The following RSRC1 variants were observed in gnomAD, a reference collection of about 807,000 sequenced individuals.
The protein encoded by RSRC1 is arginine and serine rich coiled-coil 1, also known as serine/Arginine-related protein 53.
Under a neutral mutation model 49.1 loss-of-function variants are expected in RSRC1, and 39 were observed. That is an observed-to-expected ratio of 0.79 (90% confidence interval 0.61 to 1.04). RSRC1 has a LOEUF of 1.04. Ranked by LOEUF, RSRC1 falls within the 50% of genes least tolerant of loss-of-function variation. The pLI, the probability that RSRC1 is intolerant of heterozygous loss-of-function variation, is 0.00. For missense variants in RSRC1, 388 were observed against 402.4 expected (o/e 0.96, Z 0.31); for synonymous variants, 143 against 130.8 (o/e 1.09, Z -0.63).
chr3:158,498,710 A>G (rs893614446), intron 7 of RSRC1, among the ~76,000 whole-genome samples: 1 of 152,154 alleles, frequency 6.6e-6, no homozygotes, highest in African/African-American at 2.4e-5. Flanking sequence ...CAGGTCTTAG[A>G]TTTAAGACCT....
intron 6 of RSRC1, among the ~76,000 whole-genome samples, chr3:158,387,844 GTC>G (rs991988868): frequency 1.3e-5 from 2 of 152,112 alleles, no homozygotes; most frequent in Admixed American, 1.3e-4. Flanking sequence ...TGTGAAATGA[GTC>G]TTCTCAATAT....
chr3:158,221,304 C>T (rs1291534194), intron 4 of RSRC1, among the ~76,000 whole-genome samples: 1 of 151,302 alleles, frequency 6.6e-6, no homozygotes, highest in Non-Finnish European at 1.5e-5. Flanking sequence ...AAAATATTCC[C>T]TAATAACTTT....
intron 6 of RSRC1, among the ~76,000 whole-genome samples, chr3:158,398,276 C>T (rs1031487208): frequency 6.6e-6 from 1 of 152,058 alleles, no homozygotes; most frequent in African/African-American, 2.4e-5. Context: ...TTATTTCTCA[C>T]AGTTCCTGGA....
At chr3:158,334,087 G>A (rs1326204044) in intron 5 of RSRC1, among the ~76,000 whole-genome samples, 2 of 152,088 alleles carry the variant, frequency 1.3e-5, no homozygotes, top group East Asian at 3.9e-4. Flanking sequence ...ACTAAAAAAT[G>A]TGCTGATACT....
chr3:158,177,087 A>G (rs1375798329), intron 3 of RSRC1, among the ~76,000 whole-genome samples: 1 of 152,220 alleles, frequency 6.6e-6, no homozygotes, highest in Non-Finnish European at 1.5e-5. Context: ...CAAAACCACA[A>G]TGAGATGCCA....
At chr3:158,225,082 G>A (rs768559691) in intron 4 of RSRC1, among the ~76,000 whole-genome samples, 5 of 151,728 alleles carry the variant, frequency 3.3e-5, no homozygotes, top group Non-Finnish European at 5.9e-5. Context: ...TCTTGACAAT[G>A]ATACTGAGTT....
intron 1 of RSRC1, among the ~76,000 whole-genome samples, chr3:158,121,764 T>C (rs2108163901): frequency 6.6e-6 from 1 of 152,288 alleles, no homozygotes; most frequent in Non-Finnish European, 1.5e-5. Flanking sequence ...AAAGAACTGC[T>C]CTCAGTCTTG....
At chr3:158,423,848 G>C (rs1224726927) in intron 6 of RSRC1, among the ~76,000 whole-genome samples, 1 of 151,466 alleles carries the variant, frequency 6.6e-6, no homozygotes, top group African/African-American at 2.4e-5. Flanking sequence ...ATTGTGAATG[G>C]GAGTTCACTC....
chr3:158,381,427 C>A (rs1238222939), intron 6 of RSRC1, among the ~76,000 whole-genome samples: 1 of 152,176 alleles, frequency 6.6e-6, no homozygotes, highest in Non-Finnish European at 1.5e-5. Flanking sequence ...AGTGATCTCT[C>A]GCAGTTCTTG....
chr3:158,187,816 A>G (rs1228715065), intron 3 of RSRC1, among the ~76,000 whole-genome samples: 1 of 151,976 alleles, frequency 6.6e-6, no homozygotes, highest in Non-Finnish European at 1.5e-5. Flanking sequence ...GCTGGTGGAT[A>G]TATTTGTATA....
intron 7 of RSRC1, among the ~76,000 whole-genome samples, chr3:158,516,818 G>T (rs187926644): frequency 6.6e-6 from 1 of 152,166 alleles, no homozygotes; most frequent in Non-Finnish European, 1.5e-5. Context: ...TTTTAAGCCC[G>T]TCGGAAAAGT....
intron 4 of RSRC1, among the ~76,000 whole-genome samples, chr3:158,262,033 C>T (rs1724925690): frequency 6.6e-6 from 1 of 152,192 alleles, no homozygotes; most frequent in South Asian, 2.1e-4. Flanking sequence ...TTCATGAAAC[C>T]TGGTTCTTGG....
At chr3:158,267,858 C>CTTTTTTTTTTTTTTTTTTTTTTT (rs377128391) in intron 4 of RSRC1, among the ~76,000 whole-genome samples, 2 of 91,258 alleles carry the variant, frequency 2.2e-5, no homozygotes, top group African/African-American at 4.0e-5. Context: ...GTTTCCATAT[C>CTTTTTTTTTTTTTTTTTTTTTTT]TATTTTTTTT....
chr3:158,276,266 G>A, intron 4 of RSRC1: 1 of 766,916 alleles, frequency 1.3e-6, no homozygotes. Flanking sequence ...TGGCCTTGCA[G>A]CCCAGTCTGC....
chr3:158,198,031 A>G lies in RSRC1; in HGVS notation c.321-5041A>G, dbSNP rs1464505634. On this transcript the variant is annotated intron_variant, in intron 3 of 9. Coordinates refer to ENST00000611884, the MANE Select transcript of RSRC1 (RefSeq NM_001271838.2). The stretch of plus-strand genomic sequence containing the variant: ...TCGGCTTGGTGCAGAGCTGAGTTCA[A>G]TTCCTGGATATGCTTGTTAACTTTC... Among the ~76,000 whole-genome samples, 6 of 152,032 alleles carry G rather than the reference A, an allele frequency of 3.9e-5. No homozygotes were observed. The South Asian group carries it at 1.0e-3, about 26-fold the overall frequency.
intron 3 of RSRC1, among the ~76,000 whole-genome samples, chr3:158,184,282 GAA>G (rs59422201): frequency 0.09 from 13,106 of 146,216 alleles, 701 homozygotes; most frequent in Middle Eastern, 0.15. Context: ...TATGGTTTAT[GAA>G]AAAAAAAAAA....
intron 6 of RSRC1, among the ~76,000 whole-genome samples, chr3:158,383,937 CTT>C (rs1578411906): frequency 1.3e-5 from 2 of 151,972 alleles, no homozygotes; most frequent in South Asian, 4.1e-4. Flanking sequence ...AAAAGAAAAA[CTT>C]TATGGGAAAA....
At chr3:158,332,973 T>TG (rs1400870305) in intron 5 of RSRC1, among the ~76,000 whole-genome samples, 1 of 148,666 alleles carries the variant, frequency 6.7e-6, no homozygotes, top group East Asian at 1.9e-4. Context: ...TGTTTTTTGT[T>TG]TTTTTTTTTT....
rs202181532 is a variant in RSRC1 at position 158,245,002 on chromosome 3, A to AG, written c.494+41759dup. ...GCTCCTGGATTTGTAGATTTTTCAA[A>AG]GGTTTTTTTTTTTTTTTCTGTCTCT... On this transcript the variant is annotated intron_variant, in intron 4 of 9. Transcript: ENST00000611884. Among the ~76,000 whole-genome samples, 790 of 108,498 alleles carry AG rather than the reference A, an allele frequency of 7.3e-3. 6 individuals are homozygous for AG. Among genetic ancestry groups the AG allele is most frequent in the African/African-American group, 0.027 (758 of 28,498 alleles). 71.2% of individuals were successfully genotyped at this position (108,498 alleles called of 152,430 possible). A position where few individuals can be genotyped will look rare whatever the true frequency, so the allele number is the denominator to read the frequency against.
Sources: allele counts gnomAD v4.1 joint callset (sites outside exome capture counted in the v4.1 genomes callset), GRCh38; gene constraint gnomAD v4.1.1; transcripts MANE v1.5; gene names NCBI Gene and HGNC (gene_info 2026-07-23, HGNC 2026-07-21).